The following TTC39B variants were observed in gnomAD, a reference collection of about 807,000 sequenced individuals.
TTC39B encodes the protein tetratricopeptide repeat domain 39B, also known as tetratricopeptide repeat protein 39B.
In TTC39B, 92 loss-of-function variants were observed where a neutral mutation model predicts 96.6. That is an observed-to-expected ratio of 0.95 (90% CI 0.80 to 1.13). The LOEUF (loss-of-function observed/expected upper bound fraction) is 1.13, where lower values mean the gene tolerates loss of function less well. Ranked by LOEUF, TTC39B falls within the 50% of genes most tolerant of loss-of-function variation. The pLI is 0.00. For synonymous variants in TTC39B, 367 were observed against 299.4 expected (o/e 1.23, Z -2.33); for missense variants, 955 against 809.3 (o/e 1.18, Z -2.18).
At chr9:15,301,396 T>C (rs966759836) in intron 1 of TTC39B, among the ~76,000 whole-genome samples, 4 of 152,226 alleles carry the variant, frequency 2.6e-5, no homozygotes, top group Admixed American at 2.0e-4. Flanking sequence ...TGTTTTAGTG[T>C]GTACATCCAG....
rs547496246 is a variant in TTC39B, at chr9:15,215,606, C to T, written c.372-1357G>A. ...GGCACGGTGGCTCATGCCTCTAATC[C>T]CAGCACTTTGGGAGGCCGAGGCAGG... is the stretch of plus-strand genomic sequence containing the variant. On this transcript the variant is annotated intron_variant, in intron 3 of 19. Transcript: ENST00000512701. 4.2e-3 allele frequency among the ~76,000 whole-genome samples: 610 copies of T among 145,898 alleles called. 4 individuals are homozygous for T. The highest frequency in any genetic ancestry group is 0.015 in the African/African-American group (579 of 39,372).
intron 1 of TTC39B, among the ~76,000 whole-genome samples, chr9:15,300,382 G>A (rs1824541657): frequency 6.6e-6 from 1 of 152,162 alleles, no homozygotes; most frequent in Admixed American, 6.5e-5. Context: ...ACCAAGTCAA[G>A]TCCTCTTTCA....
chr9:15,197,174 T>C (rs936228288), intron 8 of TTC39B, among the ~76,000 whole-genome samples: 2 of 152,238 alleles, frequency 1.3e-5, no homozygotes, highest in Non-Finnish European at 2.9e-5. Flanking sequence ...ATTGCAATAG[T>C]CACTTTATTG....
intron 6 of TTC39B, among the ~76,000 whole-genome samples, chr9:15,206,940 G>A (rs891234530): frequency 1.3e-5 from 2 of 152,216 alleles, no homozygotes; most frequent in African/African-American, 4.8e-5. Context: ...TTTGGATCAT[G>A]GGGGTGGTTT....
intron 1 of TTC39B, 71 bp downstream of exon 1, chr9:15,307,013 G>A (rs936504839): frequency 7.7e-6 from 12 of 1,565,328 alleles, no homozygotes; most frequent in Non-Finnish European, 1.0e-5. Flanking sequence ...TCCTAGCCGG[G>A]CTCACTCTTC....
intron 3 of TTC39B, among the ~76,000 whole-genome samples, chr9:15,220,095 T>A (rs1201086922): frequency 6.6e-6 from 1 of 152,142 alleles, no homozygotes; most frequent in East Asian, 1.9e-4. Context: ...TTAGAATCTG[T>A]ATGCACAGAA....
intron 5 of TTC39B, 48 bp downstream of exon 5, chr9:15,211,218 G>A (rs1266565652): frequency 2.1e-6 from 3 of 1,401,788 alleles, no homozygotes. Flanking sequence ...TGTCACACAG[G>A]CATAAAAGTT....
At chr9:15,272,543 T>C (rs181879235) in intron 1 of TTC39B, among the ~76,000 whole-genome samples, 3 of 152,304 alleles carry the variant, frequency 2.0e-5, no homozygotes, top group East Asian at 3.9e-4. Flanking sequence ...CCTACTCCCA[T>C]ACCAGGGCCA....
At chr9:15,174,720 G>A (rs1218364592) in intron 19 of TTC39B, among the ~76,000 whole-genome samples, 1 of 152,028 alleles carries the variant, frequency 6.6e-6, no homozygotes, top group African/African-American at 2.4e-5. Context: ...TTACTATCTA[G>A]CCATTTACAC....
chr9:15,194,996 T>A (rs1225367641), intron 8 of TTC39B, among the ~76,000 whole-genome samples: 8 of 152,118 alleles, frequency 5.3e-5, no homozygotes, highest in Middle Eastern at 3.2e-3. Flanking sequence ...TCATTTGAAA[T>A]CAAAAACTAG....
intron 5 of TTC39B, 36 bp from the exon 6 acceptor site, chr9:15,210,200 GA>G (rs746633354): frequency 9.2e-4 from 1,196 of 1,296,004 alleles, no homozygotes; most frequent in South Asian, 1.1e-3. Context: ...ATAGAAAATA[GA>G]AAAAAAAAAT....
intron 1 of TTC39B, among the ~76,000 whole-genome samples, chr9:15,289,452 AG>A (rs1383204718): frequency 1.3e-5 from 2 of 152,250 alleles, no homozygotes; most frequent in African/African-American, 2.4e-5. Context: ...AGCTGCACAC[AG>A]CCACTATGAG....
At chr9:15,280,111 T>G (rs1278510427) in intron 1 of TTC39B, among the ~76,000 whole-genome samples, 1 of 152,176 alleles carries the variant, frequency 6.6e-6, no homozygotes, top group Non-Finnish European at 1.5e-5. Flanking sequence ...TTGGCCTGGC[T>G]GATCTTGAAC....
chr9:15,232,776 AAGG>A (rs1054528002), intron 2 of TTC39B, among the ~76,000 whole-genome samples: 3 of 152,156 alleles, frequency 2.0e-5, no homozygotes, highest in African/African-American at 7.2e-5. Flanking sequence ...CCTCGAAGAG[AAGG>A]AGAAGACCCT....
intron 3 of TTC39B, 89 bp from the exon 4 acceptor site, chr9:15,214,338 G>GTC: frequency 1.2e-6 from 1 of 816,264 alleles, no homozygotes; most frequent in South Asian, 1.5e-5. Context: ...GTGTGTGTGT[G>GTC]TGTGTGTGTC....
At chr9:15,189,435 T>C (rs1377090265) in intron 13 of TTC39B, 139 bp downstream of exon 13, 5 of 824,142 alleles carry the variant, frequency 6.1e-6, no homozygotes, top group African/African-American at 1.8e-5. Context: ...TTTTGGCTTT[T>C]TACTTATATA....
chr9:15,211,046 T>A (rs1820166713), intron 5 of TTC39B, among the ~76,000 whole-genome samples: 1 of 126,610 alleles, frequency 7.9e-6, no homozygotes. Context: ...CCCCCCGAAA[T>A]CCCCCCCAGA....
chr9:15,259,543 G>T (rs888024524), intron 2 of TTC39B, among the ~76,000 whole-genome samples: 12 of 152,118 alleles, frequency 7.9e-5, no homozygotes, highest in African/African-American at 2.9e-4. Context: ...CCAAAAACTG[G>T]AAAAGACTCA....
At chr9:15,234,381 C>G (rs1466505854) in intron 2 of TTC39B, among the ~76,000 whole-genome samples, 2 of 150,568 alleles carry the variant, frequency 1.3e-5, no homozygotes, top group Admixed American at 6.6e-5. Flanking sequence ...CCCGCCCGGC[C>G]AGCTGCCCCA....
Sources: allele counts gnomAD v4.1 joint callset (sites outside exome capture counted in the v4.1 genomes callset), GRCh38; gene constraint gnomAD v4.1.1; transcripts MANE v1.5; gene names NCBI Gene and HGNC (gene_info 2026-07-23, HGNC 2026-07-21).